TNK2: variants seen among roughly 807,000 people sequenced by gnomAD.
The protein encoded by TNK2 is activated CDC42 kinase 1.
A neutral mutation model predicts 101.8 loss-of-function variants in TNK2; 83 were observed. That is an observed-to-expected ratio of 0.82 (90% CI 0.68 to 0.98). TNK2 has a LOEUF of 0.98. TNK2 is among the 50% of genes least tolerant of loss of function. TNK2 has a pLI of 0.00. For missense variants in TNK2, 1,665 were observed against 1,483.2 expected (o/e 1.12, Z -2.01); for synonymous variants, 804 against 633.0 (o/e 1.27, Z -4.06).
Position 195,887,020 on chromosome 3 carries a change from T to C in TNK2, c.191A>G (p.Lys64Arg). The stretch of plus-strand genomic sequence containing the variant: ...GCGTTTGCACAAGGCCTTCCTCCTC[T>C]TCACAGCCTCCCACAGCCGCCGCTG... ...PGQRRLWEAVKRRKALCKRKS... is the reference protein window; with the variant it reads ...PGQRRLWEAVRRRKALCKRKS... Residue 64 changes from lysine to arginine, a missense_variant, in exon 3 of 16, where the codon AAG (lysine) becomes AGG (arginine). Physicochemically the swap from Lys to Arg is conservative, Grantham distance 26. Coordinates refer to ENST00000672887, the MANE Select transcript of TNK2 (RefSeq NM_001382273.1). The C allele has an allele frequency of 6.2e-7, 1 of 1,605,850 alleles. No homozygotes were observed. Among genetic ancestry groups the C allele is most frequent in the South Asian group, 1.1e-5 (1 of 90,924 alleles).
intron 12 of TNK2, 89 bp downstream of exon 12, chr3:195,869,408 C>T: frequency 1.4e-6 from 2 of 1,423,424 alleles, no homozygotes; most frequent in Non-Finnish European, 1.9e-6. Flanking sequence ...CCCTCCGGCC[C>T]AGCCGCCCAG....
In TNK2 at chr3:195,878,149, T is replaced by G; in HGVS notation, c.1256+104A>C. 1 of 1,250,798 alleles carries G rather than the reference T, an allele frequency of 8.0e-7. No individual in the cohort carries two copies. The highest frequency in any genetic ancestry group is 1.2e-5 in the South Asian group (1 of 81,844). 77.5% of individuals were successfully genotyped at this position (1,250,798 alleles called of 1,614,324 possible). On this transcript the variant is annotated intron_variant, in intron 9 of 15. Transcript: ENST00000672887. This position sits in a 1 kb window ranked among gnomAD's most constrained non-coding sequence, Gnocchi z 4.7. ...GTTCAGGCCCAACCGCCAGCCTGTA[T>G]GTGGCCAAGGGAATCTTGGAGGCCA...
chr3:195,867,011 C>A lies in TNK2; in HGVS notation c.3039G>T (p.Glu1013Asp). The A allele has an allele frequency of 6.2e-7, 1 of 1,613,204 alleles. No individual in the cohort carries two copies. Among genetic ancestry groups the A allele is most frequent in the Non-Finnish European group, 8.5e-7 (1 of 1,179,926 alleles). The change falls in exon 15 of 16, where the codon GAG becomes GAT. Residue 1013 changes from glutamate (E) to aspartate (D), a missense_variant. Physicochemically the swap from Glu to Asp is conservative, Grantham distance 45. Transcript: ENST00000672887. ...VQRAAQYLKV[E>D]QLFGLGLRPR... ...GCCGCAGACCCAGCCCGAAGAGCTG[C>A]TCCACCTGGGGGTAAGGGTGGCGCC...
At chr3:195,895,429 C>T (rs1299637683) in intron 1 of TNK2, 8 of 1,489,812 alleles carry the variant, frequency 5.4e-6, no homozygotes, top group Non-Finnish European at 7.1e-6. Flanking sequence ...TCCAGAAGTG[C>T]AGGGCCGCTA....
Position 195,878,649 on chromosome 3 carries a change from C to A in TNK2, c.1015-57G>T. 6.3e-7 allele frequency: 1 copy of A among 1,579,694 alleles called. No homozygotes were observed. The highest frequency in any genetic ancestry group is 8.6e-7 in the Non-Finnish European group (1 of 1,161,550). Reference sequence around the variant, plus strand: ...AAACAGAGCGCCCAGCCCTTCACTTCCCGCCTTCCCTCCAGCCCATCCACA... The same window carrying A: ...AAACAGAGCGCCCAGCCCTTCACTTACCGCCTTCCCTCCAGCCCATCCACA... On this transcript the variant is annotated intron_variant, in intron 7 of 15. Coordinates refer to ENST00000672887, the MANE Select transcript of TNK2 (RefSeq NM_001382273.1). The surrounding 1 kb of genome is among the most constrained non-coding windows in gnomAD (Gnocchi z 4.7).
At chr3:195,904,318 G>A (rs1455558941) in intron 1 of TNK2, among the ~76,000 whole-genome samples, 5 of 151,092 alleles carry the variant, frequency 3.3e-5, no homozygotes, top group African/African-American at 9.7e-5. Context: ...AACAAAAAGT[G>A]GTATATTCAT....
intron 1 of TNK2, chr3:195,896,932 C>G (rs1185279602): frequency 3.3e-5 from 5 of 152,304 alleles, no homozygotes; most frequent in Non-Finnish European, 7.3e-5. Context: ...GCAGACATGA[C>G]AGGCAATTTC....
In TNK2 at chr3:195,867,693, CCTT is replaced by C; in HGVS notation, c.2602_2604del (p.Lys868del). 1.2e-6 allele frequency: 2 copies of C among 1,608,964 alleles called. No homozygotes were observed. Among genetic ancestry groups the C allele is most frequent in the Non-Finnish European group, 1.7e-6 (2 of 1,179,060 alleles). ...AGCAAGTAATAGTGGGTGCTGCTGA[CCTT>C]CTTGCCATCCCGGACGATGGGCAGG... is the stretch of plus-strand genomic sequence containing the variant. On this transcript the variant is annotated inframe_deletion, in exon 13 of 16. Transcript: ENST00000672887.
In TNK2 at chr3:195,888,393, G is replaced by C. The variant is rs777404926; in HGVS notation, c.163+33C>G. ...GAGGACAGAGGACGGAAAGGGTCAGGGGCAAGACAAGCCAGGCCAACATCC... is the reference window on the plus strand; with the variant it reads ...GAGGACAGAGGACGGAAAGGGTCAGCGGCAAGACAAGCCAGGCCAACATCC... On this transcript the variant is annotated intron_variant, in intron 2 of 15. Transcript: ENST00000672887. The surrounding 1 kb of genome is among the most constrained non-coding windows in gnomAD (Gnocchi z 5.3). The C allele has an allele frequency of 6.2e-7, 1 of 1,604,150 alleles. No homozygotes were observed. The highest frequency in any genetic ancestry group is 1.1e-5 in the South Asian group (1 of 89,912).
At position 195,867,338 on chromosome 3, in the gene TNK2, C is replaced by A. The variant is rs1741571708; in HGVS notation, c.2937+23G>T. On this transcript the variant is annotated intron_variant, in intron 13 of 15. Transcript: ENST00000672887. ...CCCCTTGGGCCCTGCCCCGCTTCGC[C>A]CACAGCCAGGCTGGGTGCTCACCAT... 1.9e-6 allele frequency: 3 copies of A among 1,608,448 alleles called. No homozygotes were observed. In the East Asian group the frequency reaches 6.7e-5, roughly 36 times the overall value.
chr3:195,906,075 C>T (rs6791922), intron 1 of TNK2, among the ~76,000 whole-genome samples: 17,964 of 152,006 alleles, frequency 0.12, 1,421 homozygotes, highest in East Asian at 0.39. Flanking sequence ...AGAAGATGCC[C>T]GACAACATGA....
intron 9 of TNK2, among the ~76,000 whole-genome samples, chr3:195,873,321 G>GC (rs1746760421): frequency 6.6e-6 from 1 of 152,218 alleles, no homozygotes; most frequent in South Asian, 2.1e-4. Flanking sequence ...CAGGGCTCCC[G>GC]CAAGACACTC....
intron 1 of TNK2, among the ~76,000 whole-genome samples, chr3:195,892,164 G>A (rs1758760487): frequency 6.6e-6 from 1 of 152,146 alleles, no homozygotes. Flanking sequence ...CATGGTCCTG[G>A]CCCCCGCACC....
intron 12 of TNK2, 164 bp from the exon 13 acceptor site, chr3:195,868,873 A>G (rs891431947): frequency 1.4e-6 from 1 of 735,932 alleles, no homozygotes; most frequent in South Asian, 2.0e-5. Context: ...TTCTCAGCGC[A>G]CCTCCGACCA....
At chr3:195,875,524 G>C (rs993222897) in intron 9 of TNK2, among the ~76,000 whole-genome samples, 1 of 152,152 alleles carries the variant, frequency 6.6e-6, no homozygotes, top group African/African-American at 2.4e-5. Context: ...CAAGGCTCCA[G>C]TGGGACTTCC....
chr3:195,891,163 A>G (rs536676543), intron 1 of TNK2, among the ~76,000 whole-genome samples: 1 of 152,368 alleles, frequency 6.6e-6, no homozygotes, highest in South Asian at 2.1e-4. Flanking sequence ...TCACAGCTGT[A>G]ATCCCAGCAC....
At chr3:195,901,606 C>T (rs1014996028) in intron 1 of TNK2, among the ~76,000 whole-genome samples, 26 of 152,264 alleles carry the variant, frequency 1.7e-4, no homozygotes, top group Non-Finnish European at 2.9e-5. Context: ...CATGCCCACC[C>T]GATGCTGGTT....
In TNK2 at chr3:195,883,238, C is replaced by A; in HGVS notation, c.528G>T (p.Arg176=). Residue 176 remains arginine (R), a synonymous_variant, in exon 5 of 16, where the codon CGG becomes CGT. Transcript: ENST00000672887. ...SQPEAMDDFI[R]EVNAMHSLDH... Reference sequence around the variant, plus strand: ...CGAGCGAGTGCATGGCATTGACCTCCCGGATGAAGTCGTCCATGGCTTCTG... The same window carrying A: ...CGAGCGAGTGCATGGCATTGACCTCACGGATGAAGTCGTCCATGGCTTCTG... 1.2e-6 allele frequency: 2 copies of A among 1,613,178 alleles called. 1 individual carries two copies. Among genetic ancestry groups the A allele is most frequent in the South Asian group, 2.2e-5 (2 of 91,076 alleles).
intron 1 of TNK2, among the ~76,000 whole-genome samples, chr3:195,901,438 G>A (rs1378095198): frequency 6.6e-6 from 1 of 152,156 alleles, no homozygotes; most frequent in African/African-American, 2.4e-5. Context: ...GTCCAATGTT[G>A]GCAGACACAG....
Sources: gnomAD v4.1 joint callset for allele counts (sites outside exome capture counted in the v4.1 genomes callset) on GRCh38, gnomAD v4.1.1 for gene constraint, Gnocchi (gnomAD v3.1) non-coding constraint, MANE v1.5 for transcripts, NCBI Gene and HGNC (gene_info 2026-07-23, HGNC 2026-07-21) for gene names.